Variants in GUCY1A2 observed in about 807,000 individuals in gnomAD.
The protein encoded by GUCY1A2 is guanylate cyclase 1 soluble subunit alpha 2.
GUCY1A2 carries 27 observed loss-of-function variants against 63.5 expected under a neutral mutation model. The observed-to-expected ratio is 0.43, with a 90% confidence interval of 0.31 to 0.59. The LOEUF is 0.59. Ranked by LOEUF, GUCY1A2 falls within the 20% of genes least tolerant of loss-of-function variation. The probability of loss-of-function intolerance (pLI) is 0.11; values close to 1 mark genes in which losing one functional copy is unlikely to be tolerated. For synonymous variants in GUCY1A2, 364 were observed against 343.5 expected (o/e 1.06, Z -0.66); for missense variants, 768 against 913.3 (o/e 0.84, Z 2.05).
chr11:106,739,997 CTTTTT>C (rs35005245), intron 6 of GUCY1A2, among the ~76,000 whole-genome samples: 1 of 129,892 alleles, frequency 7.7e-6, no homozygotes, highest in Non-Finnish European at 1.6e-5. Flanking sequence ...TTGAGAGGCA[CTTTTT>C]TTTTTTTTTT....
At chr11:106,918,697 T>C (rs767558321) in intron 4 of GUCY1A2, among the ~76,000 whole-genome samples, 13 of 145,684 alleles carry the variant, frequency 8.9e-5, no homozygotes, top group African/African-American at 3.2e-4. Context: ...GGCAAACAAC[T>C]AAAGACAGAA....
chr11:107,004,125 C>T (rs1861642756), intron 1 of GUCY1A2, among the ~76,000 whole-genome samples: 1 of 152,084 alleles, frequency 6.6e-6, no homozygotes, highest in South Asian at 2.1e-4. Context: ...TCAACAGAAC[C>T]CCTAGCATCT....
intron 6 of GUCY1A2, among the ~76,000 whole-genome samples, chr11:106,738,848 T>C (rs1334473194): frequency 1.3e-5 from 2 of 152,200 alleles, no homozygotes; most frequent in Non-Finnish European, 2.9e-5. Flanking sequence ...TTAGTTCTTT[T>C]TGCTTGGGAT....
intron 4 of GUCY1A2, among the ~76,000 whole-genome samples, chr11:106,852,122 T>C (rs1859364282): frequency 6.6e-6 from 1 of 152,032 alleles, no homozygotes; most frequent in African/African-American, 2.4e-5. Flanking sequence ...TGGCATAGTT[T>C]TCTTGATTTC....
intron 3 of GUCY1A2, among the ~76,000 whole-genome samples, chr11:106,942,501 A>C (rs1378503957): frequency 2.6e-5 from 4 of 152,012 alleles, no homozygotes. Context: ...AATAAATAAA[A>C]ATTCCTATAA....
intron 4 of GUCY1A2, among the ~76,000 whole-genome samples, chr11:106,834,485 A>T (rs1024967563): frequency 6.6e-6 from 1 of 151,984 alleles, no homozygotes; most frequent in Non-Finnish European, 1.5e-5. Flanking sequence ...TGTTTATTCT[A>T]AAGTATTCCA....
At chr11:106,742,227 G>A (rs1863706680) in intron 6 of GUCY1A2, among the ~76,000 whole-genome samples, 2 of 152,030 alleles carry the variant, frequency 1.3e-5, no homozygotes, top group Non-Finnish European at 2.9e-5. Context: ...GGATGTGCAG[G>A]TTTGTTACAC....
At chr11:106,883,203 C>A (rs1859850431) in intron 4 of GUCY1A2, among the ~76,000 whole-genome samples, 1 of 152,202 alleles carries the variant, frequency 6.6e-6, no homozygotes, top group African/African-American at 2.4e-5. Context: ...ACACTAAGAA[C>A]AAAGCCTACA....
intron 1 of GUCY1A2, among the ~76,000 whole-genome samples, chr11:106,992,902 T>C (rs1387981253): frequency 2.0e-5 from 3 of 152,168 alleles, no homozygotes; most frequent in Admixed American, 2.0e-4. Flanking sequence ...TTTGTGTTCC[T>C]TTCTGTTAGG....
chr11:106,690,506 C>T (rs1862604664), intron 7 of GUCY1A2, among the ~76,000 whole-genome samples: 1 of 152,228 alleles, frequency 6.6e-6, no homozygotes, highest in South Asian at 2.1e-4. Flanking sequence ...GAACAACACA[C>T]ATTGGAGCCT....
intron 4 of GUCY1A2, among the ~76,000 whole-genome samples, chr11:106,893,345 A>G (rs1197518294): frequency 1.3e-5 from 2 of 152,226 alleles, no homozygotes; most frequent in Non-Finnish European, 2.9e-5. Context: ...ATCAAAATGT[A>G]CAAAATTTCA....
At chr11:106,764,492 A>G (rs751342957) in intron 6 of GUCY1A2, among the ~76,000 whole-genome samples, 1 of 152,102 alleles carries the variant, frequency 6.6e-6, no homozygotes, top group Non-Finnish European at 1.5e-5. Flanking sequence ...TGGTTTTCCC[A>G]TTTATAAATA....
intron 5 of GUCY1A2, among the ~76,000 whole-genome samples, chr11:106,779,245 A>G (rs1433909192): frequency 6.6e-6 from 1 of 152,208 alleles, no homozygotes; most frequent in Non-Finnish European, 1.5e-5. Context: ...AAATTATACT[A>G]TAAGAATAGA....
At chr11:107,012,710 A>G (rs1368781849) in intron 1 of GUCY1A2, among the ~76,000 whole-genome samples, 1 of 152,226 alleles carries the variant, frequency 6.6e-6, no homozygotes, top group Non-Finnish European at 1.5e-5. Flanking sequence ...TTCTGATTTC[A>G]GATTATAGTA....
intron 5 of GUCY1A2, among the ~76,000 whole-genome samples, chr11:106,784,433 C>T (rs915891717): frequency 1.8e-4 from 27 of 151,954 alleles, no homozygotes; most frequent in Admixed American, 6.6e-5. Context: ...TGCCATACCT[C>T]GGTCTCCCTA....
At chr11:106,713,271 G>A (rs575159770) in intron 6 of GUCY1A2, among the ~76,000 whole-genome samples, 3 of 152,150 alleles carry the variant, frequency 2.0e-5, no homozygotes, top group South Asian at 4.2e-4. Context: ...TTAAAGATGA[G>A]ACTGCAAATC....
chr11:106,827,260 C>G, intron 4 of GUCY1A2: 2 of 1,552,392 alleles, frequency 1.3e-6, no homozygotes, highest in South Asian at 1.1e-5. Context: ...AGTTGTATAT[C>G]TGGTTCTTTT....
At chr11:106,930,115 A>G (rs1179121465) in intron 4 of GUCY1A2, among the ~76,000 whole-genome samples, 2 of 152,242 alleles carry the variant, frequency 1.3e-5, no homozygotes, top group Non-Finnish European at 2.9e-5. Context: ...GAATGTTTAA[A>G]TATGTCTTCA....
rs1329591965 is a variant in GUCY1A2 at position 106,687,312 on chromosome 11, A to G, written c.*237T>C. 1 of 521,232 alleles carries G rather than the reference A, an allele frequency of 1.9e-6. No individual in the cohort carries two copies. The highest frequency in any genetic ancestry group is 3.5e-6 in the Non-Finnish European group (1 of 289,540). The allele number at this position is 521,232 out of a possible 1,614,324, so 32.3% of individuals were successfully genotyped here. A position where few individuals can be genotyped will look rare whatever the true frequency, so the allele number is the denominator to read the frequency against. ...ACTTGTAATTAAAATATATGTGTAT[A>G]TATATGACCAAAACCACTCATATGA... is the stretch of plus-strand genomic sequence containing the variant. On this transcript the variant is annotated 3_prime_UTR_variant, in exon 8 of 8. Transcript: ENST00000526355.
Sources: gnomAD v4.1 joint callset for allele counts (sites outside exome capture counted in the v4.1 genomes callset) on GRCh38, gnomAD v4.1.1 for gene constraint, MANE v1.5 for transcripts, NCBI Gene and HGNC (gene_info 2026-07-23, HGNC 2026-07-21) for gene names.